The following MAF variants were observed in gnomAD, a reference collection of about 807,000 sequenced individuals.
The protein encoded by MAF is MAF bZIP transcription factor.
A neutral mutation model predicts 22.0 loss-of-function variants in MAF; 10 were observed. The ratio of observed to expected loss-of-function variants is 0.45; its 90% CI spans 0.28 to 0.77. The LOEUF is 0.77. MAF is among the 30% of genes least tolerant of loss of function. MAF has a pLI of 0.12. For synonymous variants in MAF, 337 were observed against 255.8 expected (o/e 1.32, Z -3.03); for missense variants, 544 against 548.4 (o/e 0.99, Z 0.08).
the MAF span, among the ~76,000 whole-genome samples, chr16:79,239,996 G>C: frequency 6.6e-6 from 1 of 151,988 alleles, no homozygotes; most frequent in Non-Finnish European, 1.5e-5. Flanking sequence ...GCTTCACAAA[G>C]TATTTACCCA....
chr16:79,498,536 C>T, the MAF span, among the ~76,000 whole-genome samples: 8 of 152,208 alleles, frequency 5.3e-5, no homozygotes, highest in African/African-American at 7.2e-5. Flanking sequence ...TGGCTTAGAT[C>T]GTGCTTACCT....
the MAF span, among the ~76,000 whole-genome samples, chr16:79,277,132 G>A: frequency 6.6e-6 from 1 of 152,152 alleles, no homozygotes; most frequent in Non-Finnish European, 1.5e-5. Flanking sequence ...CAAACTACTG[G>A]GTTCAAGCGA....
the MAF span, among the ~76,000 whole-genome samples, chr16:79,302,189 C>T: frequency 1.3e-5 from 2 of 152,216 alleles, no homozygotes; most frequent in Admixed American, 1.3e-4. Flanking sequence ...AAGACCACTG[C>T]TTGGAATGAC....
the MAF span, among the ~76,000 whole-genome samples, chr16:79,334,449 C>T: frequency 1.3e-5 from 2 of 152,078 alleles, no homozygotes; most frequent in Non-Finnish European, 2.9e-5. Context: ...TGAGATTGTG[C>T]CCGAGGGACC....
chr16:79,598,670 TG>T, intron 1 of MAF, 114 bp downstream of exon 1: 2 of 1,201,678 alleles, frequency 1.7e-6, no homozygotes, highest in Admixed American at 2.5e-5. Flanking sequence ...TCGGTGGGGG[TG>T]GGGGTGGTGA....
At chr16:79,248,368 C>T in the MAF span, among the ~76,000 whole-genome samples, 2 of 152,264 alleles carry the variant, frequency 1.3e-5, no homozygotes, top group African/African-American at 4.8e-5. Flanking sequence ...ACATCCGAAG[C>T]TCTCCCACTT....
At chr16:79,304,712 A>G in the MAF span, among the ~76,000 whole-genome samples, 2 of 152,332 alleles carry the variant, frequency 1.3e-5, no homozygotes, top group Middle Eastern at 3.4e-3. Context: ...CTAATCATAC[A>G]TATTTTGTTT....
At chr16:79,221,168 G>C in the MAF span, among the ~76,000 whole-genome samples, 2 of 152,194 alleles carry the variant, frequency 1.3e-5, no homozygotes, top group East Asian at 1.9e-4. Context: ...TTCTTTGCCT[G>C]GTTTGCTAAG....
the MAF span, among the ~76,000 whole-genome samples, chr16:79,282,791 G>A: frequency 6.6e-6 from 1 of 152,144 alleles, no homozygotes. Context: ...CCCTTGAACA[G>A]TATTTTATCG....
chr16:79,511,847 G>C, the MAF span, among the ~76,000 whole-genome samples: 3 of 152,186 alleles, frequency 2.0e-5, no homozygotes, highest in Non-Finnish European at 2.9e-5. Context: ...TCTAGCTTCA[G>C]AGCTCATGGT....
At chr16:79,320,816 TG>T in the MAF span, among the ~76,000 whole-genome samples, 26,766 of 152,162 alleles carry the variant, frequency 0.18, 2,987 homozygotes, top group Non-Finnish European at 0.23. Context: ...TATAGCCCTG[TG>T]TTAAGTGTTT....
chr16:79,558,183 C>T, the MAF span, among the ~76,000 whole-genome samples: 31 of 152,060 alleles, frequency 2.0e-4, no homozygotes, highest in South Asian at 1.7e-3. Flanking sequence ...TTTATTAGCA[C>T]GAGGATTGTT....
At chr16:79,216,359 G>A in the MAF span, among the ~76,000 whole-genome samples, 1 of 152,182 alleles carries the variant, frequency 6.6e-6, no homozygotes, top group Admixed American at 6.5e-5. Context: ...GCATATATAT[G>A]TGTATATTCA....
At chr16:79,505,650 G>A in the MAF span, 3 of 152,218 alleles carry the variant, frequency 2.0e-5, no homozygotes, top group Non-Finnish European at 4.4e-5. Flanking sequence ...CTGGTCTCTG[G>A]GCCTGACGGT....
chr16:79,489,349 C>G, the MAF span, among the ~76,000 whole-genome samples: 1 of 152,212 alleles, frequency 6.6e-6, no homozygotes, highest in East Asian at 1.9e-4. Flanking sequence ...ATCTATTTAT[C>G]CATCCATCCA....
chr16:79,309,671 G>A, the MAF span, among the ~76,000 whole-genome samples: 2 of 152,296 alleles, frequency 1.3e-5, no homozygotes, highest in East Asian at 3.9e-4. Flanking sequence ...CAGAGGGAAC[G>A]GATGTCGAGT....
the MAF span, among the ~76,000 whole-genome samples, chr16:79,436,784 G>T: frequency 6.6e-6 from 1 of 152,096 alleles, no homozygotes; most frequent in African/African-American, 2.4e-5. Context: ...TTGGAAACAT[G>T]AGCTGGGTCT....
At chr16:79,464,062 T>G in the MAF span, among the ~76,000 whole-genome samples, 16 of 152,234 alleles carry the variant, frequency 1.1e-4, no homozygotes, top group African/African-American at 3.9e-4. Flanking sequence ...ATGATGCAAC[T>G]CGAACAGATG....
chr16:79,450,594 G>A, the MAF span, among the ~76,000 whole-genome samples: 120,665 of 152,142 alleles, frequency 0.79, 48,678 homozygotes, highest in East Asian at 0.97. Context: ...GATTCCTACA[G>A]TTGTCCTGAA....
Sources: gnomAD v4.1 joint callset for allele counts (sites outside exome capture counted in the v4.1 genomes callset) on GRCh38, gnomAD v4.1.1 for gene constraint, MANE v1.5 for transcripts, NCBI Gene and HGNC (gene_info 2026-07-23, HGNC 2026-07-21) for gene names.